FRMD3: variants seen among roughly 807,000 people sequenced by gnomAD.
FRMD3 encodes the protein FERM domain containing 3.
In FRMD3, 33 loss-of-function variants were observed where a neutral mutation model predicts 70.2. The observed-to-expected ratio is 0.47, with a 90% confidence interval of 0.36 to 0.63. The LOEUF (loss-of-function observed/expected upper bound fraction) is 0.63, where lower values mean the gene tolerates loss of function less well. Ranked by LOEUF, FRMD3 falls within the 20% of genes least tolerant of loss-of-function variation. The probability of loss-of-function intolerance (pLI) is 0.00; values close to 1 mark genes in which losing one functional copy is unlikely to be tolerated. For synonymous variants in FRMD3, 279 were observed against 255.9 expected, an observed-to-expected ratio of 1.09 and a Z score of -0.86; for missense variants, 632 against 711.4, an observed-to-expected ratio of 0.89 and a Z score of 1.27.
At chr9:83,311,819 G>T in intron 8 of FRMD3, 68 bp downstream of exon 8, 1 of 1,107,520 alleles carries the variant, frequency 9.0e-7, no homozygotes, top group Non-Finnish European at 1.4e-6. Flanking sequence ...TGCCCGAGAA[G>T]CCAAGGAGGG....
rs557585560 is a variant in FRMD3, at chr9:83,357,726, T to G, written c.296-7969A>C. Reference sequence around the variant, plus strand: ...TGTTGCCCATTTGTATATCTTCTTTTGAGAATGGTCTATTCATGTCCTTAG... The same window carrying G: ...TGTTGCCCATTTGTATATCTTCTTTGGAGAATGGTCTATTCATGTCCTTAG... On this transcript the variant is annotated intron_variant, in intron 3 of 13. Transcript: ENST00000304195. 7.2e-5 allele frequency among the ~76,000 whole-genome samples: 11 copies of G among 152,334 alleles called. 1 individual carries two copies. The South Asian group carries it at 2.1e-3, about 29-fold the overall frequency.
At chr9:83,516,944 C>G (rs550636466) in intron 1 of FRMD3, among the ~76,000 whole-genome samples, 2 of 152,162 alleles carry the variant, frequency 1.3e-5, no homozygotes, top group South Asian at 4.1e-4. Context: ...CACAATGTAC[C>G]AGAATCTCTG....
chr9:83,365,773 G>A (rs903180223), intron 3 of FRMD3, among the ~76,000 whole-genome samples: 16 of 152,194 alleles, frequency 1.1e-4, no homozygotes, highest in African/African-American at 3.9e-4. Context: ...TGGTGGCATG[G>A]TGTGTTTAGG....
intron 12 of FRMD3, among the ~76,000 whole-genome samples, chr9:83,292,159 T>C (rs1253491844): frequency 1.0e-5 from 1 of 95,372 alleles, no homozygotes; most frequent in African/African-American, 3.7e-5. Context: ...CATTAATAAA[T>C]ACTTTTTTTT....
intron 1 of FRMD3, among the ~76,000 whole-genome samples, chr9:83,442,743 C>A (rs935866863): frequency 5.9e-5 from 9 of 152,114 alleles, no homozygotes; most frequent in African/African-American, 2.2e-4. Context: ...AACAGCAGCA[C>A]AGTCCCTCAC....
chr9:83,460,344 TC>T (rs1419397339), intron 1 of FRMD3, among the ~76,000 whole-genome samples: 1 of 152,144 alleles, frequency 6.6e-6, no homozygotes, highest in Non-Finnish European at 1.5e-5. Flanking sequence ...CTAATACTAA[TC>T]CCTCTCCCCA....
chr9:83,491,876 A>G (rs1828834162), intron 1 of FRMD3, among the ~76,000 whole-genome samples: 1 of 152,246 alleles, frequency 6.6e-6, no homozygotes, highest in South Asian at 2.1e-4. Flanking sequence ...AATTCAGGAT[A>G]GCAAGTAACC....
chr9:83,290,992 A>G (rs66572061), intron 12 of FRMD3, among the ~76,000 whole-genome samples: 17,368 of 152,228 alleles, frequency 0.11, 1,281 homozygotes, highest in East Asian at 0.17. Flanking sequence ...TGAGCATGCT[A>G]GGTGACAGCC....
rs553850636 is a variant in FRMD3 at position 83,350,569 on chromosome 9, G to A, written c.296-812C>T. ...ACCCAGGAGGCGGAGGTTGCAGTGAGCTGACATTGCACCATTGCACTCCAG... is the reference window on the plus strand; with the variant it reads ...ACCCAGGAGGCGGAGGTTGCAGTGAACTGACATTGCACCATTGCACTCCAG... On this transcript the variant is annotated intron_variant, in intron 3 of 13. Transcript: ENST00000304195. The A allele has an allele frequency of 3.7e-4, 57 of 155,714 alleles. No individual in the cohort carries two copies. In the Middle Eastern group the frequency reaches 0.016, roughly 42 times the overall value. 9.6% of individuals were successfully genotyped at this position (155,714 alleles called of 1,614,324 possible). A position where few individuals can be genotyped will look rare whatever the true frequency, so the allele number is the denominator to read the frequency against.
intron 13 of FRMD3, among the ~76,000 whole-genome samples, chr9:83,268,973 G>A (rs976561720): frequency 3.9e-5 from 6 of 152,170 alleles, no homozygotes; most frequent in African/African-American, 9.7e-5. Context: ...ATAGACTGAC[G>A]CAAAGGTGGG....
In FRMD3 at chr9:83,442,720, G is replaced by A. The variant is rs368735511; in HGVS notation, c.148-53012C>T. ...ACCTCTTGGGGTAATAGTAATCACA[G>A]CGTGCAGGGTGAAACAGCAGCACAG... On this transcript the variant is annotated intron_variant, in intron 1 of 13. Transcript: ENST00000304195. Among the ~76,000 whole-genome samples the A allele has an allele frequency of 5.9e-5, 9 of 151,654 alleles. No homozygotes were observed. In the South Asian group the frequency reaches 1.9e-3, roughly 32 times the overall value.
At chr9:83,536,356 A>G (rs57882958) in intron 1 of FRMD3, among the ~76,000 whole-genome samples, 2,662 of 152,142 alleles carry the variant, frequency 0.017, 85 homozygotes, top group African/African-American at 0.059. Context: ...GAGGGAGGGG[A>G]AAAAAATGTC....
intron 13 of FRMD3, among the ~76,000 whole-genome samples, chr9:83,276,881 TG>T (rs1485571568): frequency 1.3e-5 from 2 of 152,174 alleles, no homozygotes; most frequent in Admixed American, 1.3e-4. Flanking sequence ...GGCTAATTTT[TG>T]CATTTTCAGT....
chr9:83,553,257 C>T, the FRMD3 span, among the ~76,000 whole-genome samples: 1 of 152,128 alleles, frequency 6.6e-6, no homozygotes, highest in Non-Finnish European at 1.5e-5. Flanking sequence ...ATATGAAATT[C>T]TTGGTTGAAG....
chr9:83,291,015 A>T lies in FRMD3; in HGVS notation c.1071-288T>A, dbSNP rs942279. Among the ~76,000 whole-genome samples, 83,398 of 151,780 alleles carry T rather than the reference A, an allele frequency of 0.55. 24,411 individuals are homozygous for T. Among genetic ancestry groups the T allele is most frequent in the South Asian group, 0.78 (3,721 of 4,792 alleles). On this transcript the variant is annotated intron_variant, in intron 12 of 13. Transcript: ENST00000304195. ...CTAGGTGACAGCCTGGGCGTTTTTT[A>T]AAAAAAAAGAAAGAAGAAACAAAAA...
intron 5 of FRMD3, among the ~76,000 whole-genome samples, chr9:83,342,229 A>G (rs1286606628): frequency 6.6e-6 from 1 of 152,214 alleles, no homozygotes; most frequent in Non-Finnish European, 1.5e-5. Flanking sequence ...ATCCGTGGCC[A>G]TATGGTGCCT....
intron 1 of FRMD3, among the ~76,000 whole-genome samples, chr9:83,536,679 A>T (rs1461865303): frequency 6.6e-6 from 1 of 152,124 alleles, no homozygotes; most frequent in Non-Finnish European, 1.5e-5. Context: ...ATTCAATGGG[A>T]GCCTACTTTC....
intron 6 of FRMD3, among the ~76,000 whole-genome samples, chr9:83,335,125 T>C (rs1823533591): frequency 6.6e-6 from 1 of 152,226 alleles, no homozygotes; most frequent in Non-Finnish European, 1.5e-5. Context: ...CAATGGATTC[T>C]ATTCTACTTG....
At chr9:83,539,135 T>C (rs72746829), upstream of FRMD3, among the ~76,000 whole-genome samples, 5,838 of 152,318 alleles carry the variant, frequency 0.038, 139 homozygotes, top group Non-Finnish European at 0.059. Context: ...CCTACTCCCC[T>C]GCTTTACAGA....
Sources: gnomAD v4.1 joint callset for allele counts (sites outside exome capture counted in the v4.1 genomes callset) on GRCh38, gnomAD v4.1.1 for gene constraint, MANE v1.5 for transcripts, NCBI Gene and HGNC (gene_info 2026-07-23, HGNC 2026-07-21) for gene names.